SPRED2: variants seen among roughly 807,000 people sequenced by gnomAD.
The protein encoded by SPRED2 is sprouty-related, EVH1 domain-containing protein 2.
Under a neutral mutation model 43.0 loss-of-function variants are expected in SPRED2, and 47 were observed. The observed-to-expected ratio is 1.09, with a 90% CI of 0.87 to 1.40. The LOEUF is 1.40. Among genes scored for constraint, SPRED2 ranks in the 40% most tolerant of loss-of-function variants. The pLI is 0.00. For missense variants in SPRED2, 561 were observed against 586.4 expected (o/e 0.96, Z 0.45); for synonymous variants, 225 against 225.7 (o/e 1.00, Z 0.03).
chr2:65,365,634 T>C (rs745671058), intron 1 of SPRED2, among the ~76,000 whole-genome samples: 1 of 152,218 alleles, frequency 6.6e-6, no homozygotes, highest in Non-Finnish European at 1.5e-5. Flanking sequence ...AGTTGTGTTA[T>C]AGGTCCTGAC....
intron 1 of SPRED2, chr2:65,377,624 C>A (rs1286701720): frequency 4.2e-6 from 2 of 471,286 alleles, no homozygotes; most frequent in South Asian, 1.5e-5. Context: ...CCCTCCTTTC[C>A]TGGTCATCGT....
chr2:65,365,942 A>C (rs938678952), intron 1 of SPRED2, among the ~76,000 whole-genome samples: 15 of 152,230 alleles, frequency 9.9e-5, no homozygotes, highest in Admixed American at 9.8e-4. Flanking sequence ...CGCTATAATT[A>C]AATGTTGCTA....
chr2:65,383,809 G>T (rs545590152), intron 1 of SPRED2, among the ~76,000 whole-genome samples: 17 of 152,348 alleles, frequency 1.1e-4, no homozygotes, highest in African/African-American at 3.8e-4. Flanking sequence ...TGGAACTGGA[G>T]CCCAGCCTCA....
intron 1 of SPRED2, among the ~76,000 whole-genome samples, chr2:65,357,003 A>C (rs1170030813): frequency 6.6e-6 from 1 of 152,118 alleles, no homozygotes; most frequent in African/African-American, 2.4e-5. Context: ...CAAAACACAA[A>C]ACAAAACAAA....
rs996348860 is a variant in SPRED2 at position 65,432,054 on chromosome 2, C to G, written c.-67G>C. On this transcript the variant is annotated 5_prime_UTR_variant, in exon 1 of 6. Transcript: ENST00000356388. ...TGCTCCCTTCATCTTCCTGTCCGCT[C>G]GCCCCCCTTCTTCACATCTCCGGAG... 1.1e-5 allele frequency: 17 copies of G among 1,600,660 alleles called. No homozygotes were observed. The African/African-American group carries it at 2.1e-4, about 20-fold the overall frequency.
At chr2:65,332,500 CTT>C (rs1211697406) in intron 3 of SPRED2, among the ~76,000 whole-genome samples, 1 of 152,216 alleles carries the variant, frequency 6.6e-6, no homozygotes, top group African/African-American at 2.4e-5. Flanking sequence ...CTCCTCTGGT[CTT>C]TTCACCTACC....
Position 65,312,086 on chromosome 2 carries a change from C to T in SPRED2, c.*1415G>A, listed in dbSNP as rs1449074172. The stretch of plus-strand genomic sequence containing the variant: ...GTATAGGTAACCACTCTTCACTTTT[C>T]TTCTTTCTTCAATAAGAAGATTTGG... On this transcript the variant is annotated 3_prime_UTR_variant, in exon 6 of 6. Coordinates refer to ENST00000356388, the MANE Select transcript of SPRED2 (RefSeq NM_181784.3). 2.0e-6 allele frequency: 2 copies of T among 985,278 alleles called. No homozygotes were observed. Among genetic ancestry groups the T allele is most frequent in the Non-Finnish European group, 1.2e-6 (1 of 829,924 alleles). The allele number at this position is 985,278 out of a possible 1,614,324, so 61.0% of individuals were successfully genotyped here. A position where few individuals can be genotyped will look rare whatever the true frequency, so the allele number is the denominator to read the frequency against.
At chr2:65,371,998 G>C (rs555966909) in intron 1 of SPRED2, among the ~76,000 whole-genome samples, 3 of 152,072 alleles carry the variant, frequency 2.0e-5, no homozygotes, top group Non-Finnish European at 4.4e-5. Context: ...GTTTGAGCCC[G>C]GGAAGCAGAG....
At chr2:65,335,979 AG>A (rs1023492228) in intron 2 of SPRED2, among the ~76,000 whole-genome samples, 2 of 152,270 alleles carry the variant, frequency 1.3e-5, no homozygotes, top group African/African-American at 2.4e-5. Flanking sequence ...ATGAAGGACA[AG>A]AGTAAAGACC....
At chr2:65,422,163 C>T (rs1319119972) in intron 1 of SPRED2, among the ~76,000 whole-genome samples, 1 of 150,980 alleles carries the variant, frequency 6.6e-6, no homozygotes, top group East Asian at 2.0e-4. Flanking sequence ...TTCTCTCATA[C>T]CTAAAAACGA....
intron 1 of SPRED2, among the ~76,000 whole-genome samples, chr2:65,360,635 G>A (rs911861342): frequency 1.3e-5 from 2 of 152,188 alleles, no homozygotes; most frequent in African/African-American, 4.8e-5. Context: ...CAAAGTCCTA[G>A]AAACAAAAAG....
Position 65,312,638 on chromosome 2 carries a change from C to T in SPRED2, c.*863G>A, listed in dbSNP as rs935603195. 6.0e-5 allele frequency: 59 copies of T among 985,694 alleles called. No homozygotes were observed. The highest frequency in any genetic ancestry group is 4.0e-5 in the Non-Finnish European group (33 of 829,926). The allele number at this position is 985,694 out of a possible 1,614,324, so 61.1% of individuals were successfully genotyped here. Reference sequence around the variant, plus strand: ...TAAATTTTTAGAAGTGGTGGCAACACAATTTAAAAAATGTTCTACTTTAGG... The same window carrying T: ...TAAATTTTTAGAAGTGGTGGCAACATAATTTAAAAAATGTTCTACTTTAGG... On this transcript the variant is annotated 3_prime_UTR_variant, in exon 6 of 6. Coordinates refer to ENST00000356388, the MANE Select transcript of SPRED2 (RefSeq NM_181784.3).
chr2:65,313,335 C>A lies in SPRED2; in HGVS notation c.*166G>T. The A allele has an allele frequency of 6.8e-7, 1 of 1,462,652 alleles. No individual in the cohort carries two copies. Among genetic ancestry groups the A allele is most frequent in the African/African-American group, 1.4e-5 (1 of 70,720 alleles). 90.6% of individuals were successfully genotyped at this position (1,462,652 alleles called of 1,614,324 possible). A position where few individuals can be genotyped will look rare whatever the true frequency, so the allele number is the denominator to read the frequency against. ...GCGGCAGGGGGAGTGGAGAGTCTAC[C>A]CGGCAGCGTCCCTGGCTGGAATGGT... On this transcript the variant is annotated 3_prime_UTR_variant, in exon 6 of 6. Coordinates refer to ENST00000356388, the MANE Select transcript of SPRED2 (RefSeq NM_181784.3).
At chr2:65,417,394 T>C (rs184982708) in intron 1 of SPRED2, among the ~76,000 whole-genome samples, 4 of 152,266 alleles carry the variant, frequency 2.6e-5, no homozygotes, top group Admixed American at 1.3e-4. Context: ...AGTGCTCCTG[T>C]ACCTGGAACA....
intron 2 of SPRED2, among the ~76,000 whole-genome samples, chr2:65,342,283 TTATG>T (rs1271835141): frequency 7.4e-6 from 1 of 134,728 alleles, no homozygotes; most frequent in Middle Eastern, 4.8e-3. Context: ...TATACGTATA[TTATG>T]TATGTATATT....
intron 1 of SPRED2, among the ~76,000 whole-genome samples, chr2:65,360,594 C>T (rs897228294): frequency 3.9e-5 from 6 of 152,206 alleles, no homozygotes; most frequent in South Asian, 2.1e-4. Context: ...TGATTTGTTC[C>T]GCTTACACCA....
At chr2:65,354,480 G>A (rs538221803) in intron 1 of SPRED2, among the ~76,000 whole-genome samples, 15 of 151,556 alleles carry the variant, frequency 9.9e-5, no homozygotes, top group Non-Finnish European at 2.2e-4. Flanking sequence ...TTTATCTCCT[G>A]TAGCTTGAAC....
chr2:65,407,922 C>T (rs774131224), intron 1 of SPRED2, among the ~76,000 whole-genome samples: 3 of 152,144 alleles, frequency 2.0e-5, no homozygotes, highest in African/African-American at 4.8e-5. Context: ...GGCAAGGGAG[C>T]CAGAGGTCTA....
downstream of SPRED2, among the ~76,000 whole-genome samples, chr2:65,307,581 G>A (rs1013894856): frequency 9.2e-5 from 14 of 151,608 alleles, no homozygotes; most frequent in African/African-American, 3.2e-4. Flanking sequence ...ATAATGAGGG[G>A]GAAAGGGTAC....
Sources: allele counts gnomAD v4.1 joint callset (sites outside exome capture counted in the v4.1 genomes callset), GRCh38; gene constraint gnomAD v4.1.1; transcripts MANE v1.5; gene names NCBI Gene and HGNC (gene_info 2026-07-23, HGNC 2026-07-21).